OSBPL9: variants seen among roughly 807,000 people sequenced by gnomAD.
OSBPL9 encodes oxysterol-binding protein-related protein 9.
In OSBPL9, 40 loss-of-function variants were observed where a neutral mutation model predicts 106.6. That is an observed-to-expected ratio of 0.38 (90% confidence interval 0.29 to 0.49). The LOEUF (loss-of-function observed/expected upper bound fraction) is 0.49, where lower values mean the gene tolerates loss of function less well. Among genes scored for constraint, OSBPL9 ranks in the 20% least tolerant of loss-of-function variants. The pLI, the probability that OSBPL9 is intolerant of heterozygous loss-of-function variation, is 0.97. For synonymous variants in OSBPL9, 269 were observed against 295.4 expected, an observed-to-expected ratio of 0.91 and a Z score of 0.92; for missense variants, 609 against 887.2, an observed-to-expected ratio of 0.69 and a Z score of 3.98.
intron 3 of OSBPL9, among the ~76,000 whole-genome samples, chr1:51,708,753 ATTT>A (rs961084920): frequency 3.3e-5 from 5 of 151,354 alleles, no homozygotes; most frequent in African/African-American, 1.2e-4. Flanking sequence ...TTATTATTGG[ATTT>A]TTTAATTTTA....
At chr1:51,764,096 C>A (rs1228655427) in intron 11 of OSBPL9, among the ~76,000 whole-genome samples, 1 of 152,080 alleles carries the variant, frequency 6.6e-6, no homozygotes, top group Non-Finnish European at 1.5e-5. Flanking sequence ...GATTTTTCAT[C>A]CTAACTTCAT....
intron 3 of OSBPL9, among the ~76,000 whole-genome samples, chr1:51,675,146 C>CA (rs1483771843): frequency 1.3e-5 from 2 of 152,140 alleles, no homozygotes; most frequent in Non-Finnish European, 2.9e-5. Context: ...ATGCATTTCT[C>CA]ACGACACATC....
At chr1:51,620,646 T>C (rs1644369142) in intron 1 of OSBPL9, among the ~76,000 whole-genome samples, 2 of 152,178 alleles carry the variant, frequency 1.3e-5, no homozygotes, top group South Asian at 4.1e-4. Flanking sequence ...GTAAGCAGCT[T>C]GTCAGTTCTG....
intron 1 of OSBPL9, among the ~76,000 whole-genome samples, chr1:51,649,036 C>G (rs1471190838): frequency 6.6e-6 from 1 of 152,166 alleles, no homozygotes; most frequent in Non-Finnish European, 1.5e-5. Context: ...ATTTCCTTAA[C>G]TACTCCATGT....
chr1:51,784,004 G>T lies in OSBPL9; in HGVS notation c.1603G>T (p.Gly535Trp). The T allele has an allele frequency of 6.2e-7, 1 of 1,612,412 alleles. No individual in the cohort carries two copies. Among genetic ancestry groups the T allele is most frequent in the Non-Finnish European group, 8.5e-7 (1 of 1,178,600 alleles). ...ATCAAAATTCCTTGGGATGTCAATT[G>T]GGGTGCACAACATAGGGCAGGGTAA... ...TKSKFLGMSI[G>W]VHNIGQGCVS... Residue 535 changes from glycine (G) to tryptophan (W), a missense_variant, in exon 18 of 24, where the codon GGG (glycine) becomes TGG (tryptophan). This residue lies in a region of OSBPL9 where 356 missense variants were observed against 505.8 expected (regional missense o/e 0.70). Coordinates refer to ENST00000428468, the MANE Select transcript of OSBPL9 (RefSeq NM_024586.6).
intron 1 of OSBPL9, among the ~76,000 whole-genome samples, chr1:51,644,389 C>T (rs1363819243): frequency 3.3e-5 from 5 of 152,020 alleles, no homozygotes; most frequent in African/African-American, 1.2e-4. Context: ...TGTAGTGGCG[C>T]AATCTCGGCT....
chr1:51,548,890 A>G, the OSBPL9 span, among the ~76,000 whole-genome samples: 1 of 152,226 alleles, frequency 6.6e-6, no homozygotes, highest in Non-Finnish European at 1.5e-5. Context: ...ACATCTGAGC[A>G]ATCAGAGCAG....
upstream of OSBPL9, chr1:51,614,405 C>T (rs74323246): frequency 0.023 from 3,528 of 152,346 alleles, 77 homozygotes; most frequent in Middle Eastern, 0.088. Flanking sequence ...CCTCCTGCCT[C>T]AGCTTCCTGA....
At chr1:51,775,760 G>A (rs143337180) in intron 14 of OSBPL9, among the ~76,000 whole-genome samples, 2,795 of 152,032 alleles carry the variant, frequency 0.018, 84 homozygotes, top group African/African-American at 0.062. Flanking sequence ...ACGGGTGTGC[G>A]CCACCACACT....
rs1571371537 is a variant in OSBPL9 at position 51,729,802 on chromosome 1, A to G, written c.318+15723A>G. 1 of 1,171,604 alleles carries G rather than the reference A, an allele frequency of 8.5e-7. No homozygotes were observed. The highest frequency in any genetic ancestry group is 1.7e-5 in the African/African-American group (1 of 58,850). The allele number at this position is 1,171,604 out of a possible 1,614,324, so 72.6% of individuals were successfully genotyped here. Reference sequence around the variant, plus strand: ...CCCTCCGCCGGGGAGGGGACGGGAAAGGGGTGGGGGGTGAAGGGGGTGAAG... The same window carrying G: ...CCCTCCGCCGGGGAGGGGACGGGAAGGGGGTGGGGGGTGAAGGGGGTGAAG... On this transcript the variant is annotated intron_variant, in intron 4 of 23. Coordinates refer to ENST00000428468, the MANE Select transcript of OSBPL9 (RefSeq NM_024586.6). This position sits in a 1 kb window ranked among gnomAD's most constrained non-coding sequence, Gnocchi z 5.1.
intron 1 of OSBPL9, among the ~76,000 whole-genome samples, chr1:51,644,602 A>G (rs913080108): frequency 6.6e-6 from 1 of 152,194 alleles, no homozygotes; most frequent in Non-Finnish European, 1.5e-5. Flanking sequence ...TGCTGGGATT[A>G]TAGAGGTGAG....
At chr1:51,618,548 AGGTTGATGAGAGAAAG>A (rs570699377) in intron 1 of OSBPL9, among the ~76,000 whole-genome samples, 184 of 152,336 alleles carry the variant, frequency 1.2e-3, no homozygotes, top group African/African-American at 4.3e-3. Context: ...AGAAGGATTA[AGGTTGATGAGAGAAAG>A]GGGACACTGA....
intron 3 of OSBPL9, among the ~76,000 whole-genome samples, chr1:51,680,711 T>C (rs2148798039): frequency 6.6e-6 from 1 of 152,234 alleles, no homozygotes; most frequent in East Asian, 1.9e-4. Context: ...AATATTTCAT[T>C]TTATAAATAA....
At chr1:51,521,885 G>A in the OSBPL9 span, among the ~76,000 whole-genome samples, 1 of 152,066 alleles carries the variant, frequency 6.6e-6, no homozygotes, top group South Asian at 2.1e-4. Flanking sequence ...AGCCTCCTGA[G>A]TAGCTAGGAT....
At chr1:51,635,504 A>G (rs1645374260) in intron 1 of OSBPL9, among the ~76,000 whole-genome samples, 1 of 152,218 alleles carries the variant, frequency 6.6e-6, no homozygotes. Flanking sequence ...GAGAATAGCT[A>G]TCTCAAAATA....
chr1:51,695,320 C>G (rs372635704), intron 3 of OSBPL9, among the ~76,000 whole-genome samples: 38 of 152,282 alleles, frequency 2.5e-4, no homozygotes, highest in African/African-American at 8.9e-4. Flanking sequence ...GTTTTACCAC[C>G]ATTGTTCTTA....
chr1:51,772,642 G>T lies in OSBPL9; in HGVS notation c.1089G>T (p.Ala363=), dbSNP rs370191394. ...CACATGATGACAGAGATGATGATGCGGAGGCAGGGTCTGTGGAGGAGCACA... is the reference window on the plus strand; with the variant it reads ...CACATGATGACAGAGATGATGATGCTGAGGCAGGGTCTGTGGAGGAGCACA... The part of the protein sequence containing the change: ...FDSHDDRDDD[A]EAGSVEEHKS... Residue 363 remains alanine, a synonymous_variant, in exon 14 of 24, where the codon GCG becomes GCT. Coordinates refer to ENST00000428468, the MANE Select transcript of OSBPL9 (RefSeq NM_024586.6). 5 of 1,614,138 alleles carry T rather than the reference G, an allele frequency of 3.1e-6. No individual in the cohort carries two copies. The highest frequency in any genetic ancestry group is 4.2e-6 in the Non-Finnish European group (5 of 1,180,008).
chr1:51,563,073 G>A, the OSBPL9 span, among the ~76,000 whole-genome samples: 1 of 152,092 alleles, frequency 6.6e-6, no homozygotes, highest in Non-Finnish European at 1.5e-5. Context: ...AGCCAGGCGT[G>A]GTGGCACGTG....
chr1:51,617,059 G>A (rs1557588300), upstream of OSBPL9: 1 of 778,166 alleles, frequency 1.3e-6, no homozygotes, highest in Non-Finnish European at 2.0e-6. Flanking sequence ...CATGCTGAAT[G>A]CCATATAGGC....
Sources: gnomAD v4.1 joint callset for allele counts (sites outside exome capture counted in the v4.1 genomes callset) on GRCh38, gnomAD v4.1.1 for gene constraint, gnomAD v4.1.1 regional missense constraint, Gnocchi (gnomAD v3.1) non-coding constraint, MANE v1.5 for transcripts, NCBI Gene and HGNC (gene_info 2026-07-23, HGNC 2026-07-21) for gene names.